ATXN2: variants seen among roughly 807,000 people sequenced by gnomAD.
The protein encoded by ATXN2 is ataxin 2.
Under a neutral mutation model 138.6 loss-of-function variants are expected in ATXN2, and 37 were observed. The ratio of observed to expected loss-of-function variants is 0.27; its 90% CI spans 0.21 to 0.35. The LOEUF (loss-of-function observed/expected upper bound fraction) is 0.35. Ranked by LOEUF, ATXN2 falls within the 10% of genes least tolerant of loss-of-function variation. ATXN2 has a pLI of 1.00. For missense variants in ATXN2, 1,216 were observed against 1,480.3 expected (o/e 0.82, Z 2.93); for synonymous variants, 549 against 543.7 (o/e 1.01, Z -0.13).
chr12:111,526,297 A>C (rs533815996), intron 5 of ATXN2, among the ~76,000 whole-genome samples: 1 of 151,858 alleles, frequency 6.6e-6, no homozygotes, highest in Non-Finnish European at 1.5e-5. Flanking sequence ...TGGAGGTTGC[A>C]ATGAATGGAG....
intron 5 of ATXN2, among the ~76,000 whole-genome samples, chr12:111,526,263 G>C (rs1443192153): frequency 6.6e-6 from 1 of 151,660 alleles, no homozygotes; most frequent in Non-Finnish European, 1.5e-5. Flanking sequence ...GGCTGAGGAA[G>C]GAGAATCGTT....
At chr12:111,582,751 C>G (rs1382364243) in intron 1 of ATXN2, among the ~76,000 whole-genome samples, 1 of 152,168 alleles carries the variant, frequency 6.6e-6, no homozygotes, top group African/African-American at 2.4e-5. Context: ...TCACTGCAAG[C>G]TCTGCCTCCC....
intron 1 of ATXN2, among the ~76,000 whole-genome samples, chr12:111,585,820 A>AC (rs1884294465): frequency 1.3e-5 from 2 of 149,516 alleles, no homozygotes; most frequent in East Asian, 3.9e-4. Context: ...AAAAAAAAAA[A>AC]AAAAAAAAAA....
intron 18 of ATXN2, among the ~76,000 whole-genome samples, chr12:111,480,773 C>A (rs1877172884): frequency 6.6e-6 from 1 of 152,138 alleles, no homozygotes; most frequent in Non-Finnish European, 1.5e-5. Flanking sequence ...CCACTACTCT[C>A]ATCTCATACA....
Position 111,552,463 on chromosome 12 carries a change from C to T in ATXN2, c.421-33G>A, listed in dbSNP as rs1330454245. On this transcript the variant is annotated intron_variant, in intron 4 of 24. Coordinates refer to ENST00000673436, the MANE Select transcript of ATXN2 (RefSeq NM_001372574.1). The surrounding 1 kb of genome is among the most constrained non-coding windows in gnomAD (Gnocchi z 4.1). ...GAAAAACACAAGTAAGTACTCCAAACCTTTACAAAATAAAATTTGTTAGGA... is the reference window on the plus strand; with the variant it reads ...GAAAAACACAAGTAAGTACTCCAAATCTTTACAAAATAAAATTTGTTAGGA... The T allele has an allele frequency of 6.4e-7, 1 of 1,570,570 alleles. No individual in the cohort carries two copies. Among genetic ancestry groups the T allele is most frequent in the Non-Finnish European group, 8.6e-7 (1 of 1,164,944 alleles).
At chr12:111,599,623 G>T, upstream of ATXN2, 1 of 1,079,874 alleles carries the variant, frequency 9.3e-7, no homozygotes, top group African/African-American at 1.7e-5. Context: ...TGGCCCCGGG[G>T]CCGGGAGGGA....
chr12:111,456,260 CA>C lies in ATXN2; in HGVS notation c.3043-5del, dbSNP rs1305501883. 1.5e-5 allele frequency: 24 copies of C among 1,613,952 alleles called. No individual in the cohort carries two copies. Among genetic ancestry groups the C allele is most frequent in the Non-Finnish European group, 1.9e-5 (23 of 1,179,950 alleles). Reference sequence around the variant, plus strand: ...GGGCGGCCTGGTGCTGATGGTGCTGCAAAGCGACAGGAAAGAATTGAGAGGA... The same window carrying C: ...GGGCGGCCTGGTGCTGATGGTGCTGCAAGCGACAGGAAAGAATTGAGAGGA... On this transcript the variant is annotated splice_polypyrimidine_tract_variant and splice_region_variant and intron_variant, in intron 22 of 24. Coordinates refer to ENST00000673436, the MANE Select transcript of ATXN2 (RefSeq NM_001372574.1).
At chr12:111,575,893 C>T (rs988046740) in intron 1 of ATXN2, among the ~76,000 whole-genome samples, 3 of 151,824 alleles carry the variant, frequency 2.0e-5, no homozygotes, top group Admixed American at 6.6e-5. Flanking sequence ...AACAGCCTGG[C>T]CAAGATGGTG....
chr12:111,508,743 G>T lies in ATXN2; in HGVS notation c.1935+806C>A, dbSNP rs531352357. On this transcript the variant is annotated intron_variant, in intron 14 of 24. Transcript: ENST00000673436. Reference sequence around the variant, plus strand: ...ATTACAGGTGTGAGCCACCGTGCCCGCCAACAAATGAAAACTTAGGTTAAC... The same window carrying T: ...ATTACAGGTGTGAGCCACCGTGCCCTCCAACAAATGAAAACTTAGGTTAAC... Among the ~76,000 whole-genome samples the T allele has an allele frequency of 5.9e-5, 9 of 152,066 alleles. No individual in the cohort carries two copies. In the East Asian group the frequency reaches 1.3e-3, roughly 23 times the overall value.
Position 111,453,436 on chromosome 12 carries a change from C to T in ATXN2, c.3439+241G>A. 8.0e-7 allele frequency: 1 copy of T among 1,249,704 alleles called. No individual in the cohort carries two copies. The allele number at this position is 1,249,704 out of a possible 1,614,324, so 77.4% of individuals were successfully genotyped here. A position where few individuals can be genotyped will look rare whatever the true frequency, so the allele number is the denominator to read the frequency against. On this transcript the variant is annotated intron_variant, in intron 24 of 24. Transcript: ENST00000673436. This position sits in a 1 kb window ranked among gnomAD's most constrained non-coding sequence, Gnocchi z 5.4. ...GGCATGCATCAGGCTGCTGTTGCTG[C>T]TGCTGCTGCTTCTCATCAAGCCAAA...
chr12:111,569,571 G>C (rs1381451363), intron 1 of ATXN2, among the ~76,000 whole-genome samples: 2 of 152,120 alleles, frequency 1.3e-5, no homozygotes, highest in African/African-American at 4.8e-5. Flanking sequence ...TTAAAAATTA[G>C]GCAGGTGTGG....
chr12:111,491,281 T>C (rs1029439553), intron 14 of ATXN2, among the ~76,000 whole-genome samples: 2 of 152,022 alleles, frequency 1.3e-5, no homozygotes, highest in African/African-American at 4.8e-5. Flanking sequence ...TTAATTTTGG[T>C]AAGCCCCACC....
chr12:111,531,797 T>C (rs1592869109), intron 5 of ATXN2, among the ~76,000 whole-genome samples: 3 of 152,150 alleles, frequency 2.0e-5, no homozygotes, highest in Non-Finnish European at 4.4e-5. Flanking sequence ...GCCTCTAGAT[T>C]AGGGATTCTT....
chr12:111,598,825 C>T lies in ATXN2; in HGVS notation c.210G>A (p.Val70=). ...TCCCGCCGCCGGAGGTCGCCGCGAC[C>T]ACCGAGGAGGGAGCCGTGGCCGAGG... ...SSSSATAPSS[V]VAATSGGGRP... The change falls in exon 1 of 25, where the codon GTG becomes GTA. Residue 70 remains valine, a synonymous_variant. Coordinates refer to ENST00000673436, the MANE Select transcript of ATXN2 (RefSeq NM_001372574.1). The surrounding 1 kb of genome is among the most constrained non-coding windows in gnomAD (Gnocchi z 4.5). 7.0e-7 allele frequency: 1 copy of T among 1,425,788 alleles called. No homozygotes were observed. The highest frequency in any genetic ancestry group is 9.1e-7 in the Non-Finnish European group (1 of 1,097,856). The allele number at this position is 1,425,788 out of a possible 1,614,324, so 88.3% of individuals were successfully genotyped here.
intron 1 of ATXN2, among the ~76,000 whole-genome samples, chr12:111,562,220 G>C (rs1276560804): frequency 6.6e-6 from 1 of 151,818 alleles, no homozygotes; most frequent in Non-Finnish European, 1.5e-5. Context: ...GACCACTTAA[G>C]ACCCGGAGTT....
chr12:111,579,242 CATAA>C lies in ATXN2; in HGVS notation c.251+19538_251+19541del, dbSNP rs1221643283. Among the ~76,000 whole-genome samples, 16 of 152,232 alleles carry C rather than the reference CATAA, an allele frequency of 1.1e-4. No individual in the cohort carries two copies. The South Asian group carries it at 2.7e-3, about 26-fold the overall frequency. On this transcript the variant is annotated intron_variant, in intron 1 of 24. Coordinates refer to ENST00000673436, the MANE Select transcript of ATXN2 (RefSeq NM_001372574.1). ...ATCATATGTTCACACAAAACCTGTA[CATAA>C]ATATTCATACCAGCTTTATTTATTT...
intron 5 of ATXN2, among the ~76,000 whole-genome samples, chr12:111,542,658 G>A (rs1438351303): frequency 6.6e-6 from 1 of 151,974 alleles, no homozygotes; most frequent in Non-Finnish European, 1.5e-5. Flanking sequence ...GTAGAGATGG[G>A]GTTTTGCCAA....
chr12:111,460,686 C>T (rs1206568502), intron 21 of ATXN2, among the ~76,000 whole-genome samples: 1 of 151,252 alleles, frequency 6.6e-6, no homozygotes, highest in Non-Finnish European at 1.5e-5. Context: ...TAAAAAGTAA[C>T]AATAAATATA....
At chr12:111,540,116 C>T (rs1225265516) in intron 5 of ATXN2, among the ~76,000 whole-genome samples, 1 of 149,902 alleles carries the variant, frequency 6.7e-6, no homozygotes, top group Non-Finnish European at 1.5e-5. Context: ...TATTCTTTCC[C>T]AGGAGTATGA....
Sources: allele counts gnomAD v4.1 joint callset (sites outside exome capture counted in the v4.1 genomes callset), GRCh38; gene constraint gnomAD v4.1.1; non-coding constraint Gnocchi (gnomAD v3.1); transcripts MANE v1.5; gene names NCBI Gene and HGNC (gene_info 2026-07-23, HGNC 2026-07-21).